ZNF282: variants seen among roughly 807,000 people sequenced by gnomAD.
ZNF282 encodes HTLV-I U5 repressive element-binding protein 1.
Under a neutral mutation model 61.9 loss-of-function variants are expected in ZNF282, and 30 were observed. That is an observed-to-expected ratio of 0.48 (90% CI 0.36 to 0.66). ZNF282 has a LOEUF of 0.66. Among genes scored for constraint, ZNF282 ranks in the 30% least tolerant of loss-of-function variants. ZNF282 has a pLI of 0.00. For synonymous variants in ZNF282, 396 were observed against 405.0 expected (o/e 0.98, Z 0.27); for missense variants, 788 against 941.4 (o/e 0.84, Z 2.13).
At chr7:149,211,113 G>A (rs1463920490) in intron 5 of ZNF282, among the ~76,000 whole-genome samples, 1 of 152,190 alleles carries the variant, frequency 6.6e-6, no homozygotes, top group African/African-American at 2.4e-5. Context: ...TTTATGGGCT[G>A]CTACCTCTGT....
Position 149,195,734 on chromosome 7 carries a change from G to C in ZNF282, c.145G>C (p.Glu49Gln). Residue 49 changes from glutamate to glutamine, a missense_variant, in exon 1 of 8, where the codon GAG becomes CAG. Glu to Gln is a conservative substitution (Grantham distance 29, BLOSUM62 2). Coordinates refer to ENST00000610704, the MANE Select transcript of ZNF282 (RefSeq NM_003575.4). The part of the protein sequence containing the change: ...QEPALRGEMA[E>Q]GMPPMQAQEW... ...GCCGGCGCTGCGCGGGGAAATGGCC[G>C]AGGGAATGCCGCCCATGCAGGTGGG... 1 of 1,533,894 alleles carries C rather than the reference G, an allele frequency of 6.5e-7. No individual in the cohort carries two copies. Among genetic ancestry groups the C allele is most frequent in the Non-Finnish European group, 8.8e-7 (1 of 1,141,098 alleles).
chr7:149,212,186 C>T (rs146386488), intron 5 of ZNF282, 172 bp from the exon 6 acceptor site: 58 of 514,558 alleles, frequency 1.1e-4, no homozygotes, highest in African/African-American at 4.3e-4. Context: ...GCAAAAGCTC[C>T]GTTAATTGGG....
At chr7:149,204,955 A>G (rs1202415) in intron 2 of ZNF282, among the ~76,000 whole-genome samples, 22,705 of 152,034 alleles carry the variant, frequency 0.15, 1,882 homozygotes, top group African/African-American at 0.21. Context: ...TGTCTCTACT[A>G]AAATAACAAC....
At position 149,212,441 on chromosome 7, in the gene ZNF282, G is replaced by T; in HGVS notation, c.1036G>T (p.Asp346Tyr). The T allele has an allele frequency of 6.2e-7, 1 of 1,613,052 alleles. No homozygotes were observed. The highest frequency in any genetic ancestry group is 1.7e-4 in the Middle Eastern group (1 of 6,060). The change falls in exon 6 of 8, where the codon GAC becomes TAC. Residue 346 changes from aspartate to tyrosine, a missense_variant. By Grantham distance (160) the Asp-to-Tyr change is radical. This residue lies in a region of ZNF282 where 559 missense variants were observed against 642.0 expected (regional missense o/e 0.87). Coordinates refer to ENST00000610704, the MANE Select transcript of ZNF282 (RefSeq NM_003575.4). ...CGTGTGGGATCAGCAGGATTTGGCAGACAGAGATATTCCCACGGATCCCAA... is the reference window on the plus strand; with the variant it reads ...CGTGTGGGATCAGCAGGATTTGGCATACAGAGATATTCCCACGGATCCCAA... The part of the protein sequence containing the change: ...QCVWDQQDLA[D>Y]RDIPTDPNSE...
chr7:149,213,863 AC>A (rs1323570286), intron 7 of ZNF282, 49 bp downstream of exon 7: 2 of 1,408,694 alleles, frequency 1.4e-6, no homozygotes, highest in South Asian at 2.3e-5. Flanking sequence ...CTGGAGCTGT[AC>A]AGCTGAGGCG....
chr7:149,219,852 C>T (rs1052747775), intron 7 of ZNF282, among the ~76,000 whole-genome samples: 6 of 151,304 alleles, frequency 4.0e-5, no homozygotes, highest in East Asian at 3.9e-4. Context: ...GTCTCAAAAA[C>T]GAAAAAGTTT....
At chr7:149,197,505 C>A (rs1422381677) in intron 1 of ZNF282, among the ~76,000 whole-genome samples, 2 of 152,198 alleles carry the variant, frequency 1.3e-5, no homozygotes, top group Non-Finnish European at 2.9e-5. Flanking sequence ...CGGAGTCTTG[C>A]TCTGTTGCCC....
Position 149,224,269 on chromosome 7 carries a change from C to T in ZNF282, c.1638C>T (p.Tyr546=), listed in dbSNP as rs1408234025. 6 of 1,612,828 alleles carry T rather than the reference C, an allele frequency of 3.7e-6. No homozygotes were observed. Among genetic ancestry groups the T allele is most frequent in the South Asian group, 1.1e-5 (1 of 91,070 alleles). ...GCAGCCACACCAAGGAGCGGCCCTA[C>T]GAGTGCGCTGAGTGCGAGAAGAGCT... ...HHRSHTKERP[Y]ECAECEKSFN... The change falls in exon 8 of 8, where the codon TAC becomes TAT. Residue 546 remains tyrosine, a synonymous_variant. Transcript: ENST00000610704.
At chr7:149,205,796 CA>C (rs2129523239) in intron 2 of ZNF282, among the ~76,000 whole-genome samples, 1 of 152,282 alleles carries the variant, frequency 6.6e-6, no homozygotes, top group Non-Finnish European at 1.5e-5. Context: ...CCTGTAAATG[CA>C]GATACGTAGA....
intron 2 of ZNF282, among the ~76,000 whole-genome samples, chr7:149,203,636 C>T (rs1259872733): frequency 6.6e-6 from 1 of 152,244 alleles, no homozygotes; most frequent in East Asian, 1.9e-4. Context: ...GGATTATAGG[C>T]TTGAGCCACT....
intron 7 of ZNF282, among the ~76,000 whole-genome samples, chr7:149,217,365 C>T (rs764924622): frequency 4.6e-5 from 7 of 152,002 alleles, no homozygotes; most frequent in Non-Finnish European, 7.4e-5. Flanking sequence ...GGTGAAACTC[C>T]GTCTCTACTA....
intron 5 of ZNF282, 151 bp downstream of exon 5, chr7:149,210,855 A>G (rs1796073942): frequency 8.4e-7 from 1 of 1,191,776 alleles, no homozygotes; most frequent in African/African-American, 1.6e-5. Context: ...GGCTGGGCTG[A>G]GCCAGGATTC....
intron 4 of ZNF282, 109 bp downstream of exon 4, chr7:149,207,579 G>T (rs1392210179): frequency 1.9e-5 from 28 of 1,465,858 alleles, no homozygotes; most frequent in Non-Finnish European, 2.5e-5. Context: ...CATGGGGCGA[G>T]GGTCTTGGGT....
At chr7:149,202,818 TG>T (rs1795935201) in intron 2 of ZNF282, among the ~76,000 whole-genome samples, 2 of 152,044 alleles carry the variant, frequency 1.3e-5, no homozygotes, top group Admixed American at 1.3e-4. Flanking sequence ...CCAACCAGAG[TG>T]TAAATTCTGC....
In ZNF282 at chr7:149,225,893, AG is replaced by A. The variant is rs1201269394; in HGVS notation, c.*1250del. On this transcript the variant is annotated 3_prime_UTR_variant, in exon 8 of 8. Transcript: ENST00000610704. The stretch of plus-strand genomic sequence containing the variant: ...CCATAGCTCCGGGCGCTGCGTCCCG[AG>A]GGGCCACAGTCTCCATTTCAGCGTC... 6.6e-6 allele frequency: 1 copy of A among 152,608 alleles called. No individual in the cohort carries two copies. Among genetic ancestry groups the A allele is most frequent in the Non-Finnish European group, 1.5e-5 (1 of 68,096 alleles). The allele number at this position is 152,608 out of a possible 1,614,324, so 9.5% of individuals were successfully genotyped here.
Position 149,223,852 on chromosome 7 carries a change from G to T in ZNF282, c.1221G>T (p.Pro407=). ...LLMVKNPPPA[P]PQPQPQPQPP... is the part of the protein sequence containing the mutation. ...TGGTGAAGAACCCACCCCCGGCCCC[G>T]CCACAGCCCCAGCCCCAGCCCCAGC... is the stretch of plus-strand genomic sequence containing the variant. Residue 407 remains proline (P), a synonymous_variant, in exon 8 of 8, where the codon CCG becomes CCT. Coordinates refer to ENST00000610704, the MANE Select transcript of ZNF282 (RefSeq NM_003575.4). 1.4e-6 allele frequency: 2 copies of T among 1,415,724 alleles called. No individual in the cohort carries two copies. The highest frequency in any genetic ancestry group is 9.2e-7 in the Non-Finnish European group (1 of 1,081,550). 87.7% of individuals were successfully genotyped at this position (1,415,724 alleles called of 1,614,324 possible). A position where few individuals can be genotyped will look rare whatever the true frequency, so the allele number is the denominator to read the frequency against.
chr7:149,197,384 TG>T (rs1399023405), intron 1 of ZNF282, among the ~76,000 whole-genome samples: 3 of 152,228 alleles, frequency 2.0e-5, no homozygotes, highest in Non-Finnish European at 4.4e-5. Flanking sequence ...TAGTTGTATA[TG>T]GGGGGAAGCT....
chr7:149,221,456 T>G, intron 7 of ZNF282, among the ~76,000 whole-genome samples: 1 of 152,174 alleles, frequency 6.6e-6, no homozygotes, highest in Non-Finnish European at 1.5e-5. Flanking sequence ...TAGGACTGCC[T>G]TAGGTGGGCT....
chr7:149,220,922 T>TTTTTTTG (rs1554471490), intron 7 of ZNF282, among the ~76,000 whole-genome samples: 2 of 46,436 alleles, frequency 4.3e-5, no homozygotes, highest in African/African-American at 4.3e-5. Flanking sequence ...GGAGGGTTTT[T>TTTTTTTG]TTTTTTTTTT....
Sources: gnomAD v4.1 joint callset for allele counts (sites outside exome capture counted in the v4.1 genomes callset) on GRCh38, gnomAD v4.1.1 for gene constraint, gnomAD v4.1.1 regional missense constraint, MANE v1.5 for transcripts, NCBI Gene and HGNC (gene_info 2026-07-23, HGNC 2026-07-21) for gene names.